The following ABCB11 variants were observed in gnomAD, a reference collection of about 807,000 sequenced individuals.
The protein encoded by ABCB11 is bile salt export pump.
ABCB11 carries 95 observed loss-of-function variants against 148.0 expected under a neutral mutation model. The ratio of observed to expected loss-of-function variants is 0.64; its 90% CI spans 0.54 to 0.76. The LOEUF is 0.76. ABCB11 is among the 30% of genes least tolerant of loss of function. The probability of loss-of-function intolerance (pLI) is 0.00; values close to 1 mark genes in which losing one functional copy is unlikely to be tolerated. For missense variants in ABCB11, 1,523 were observed against 1,617.8 expected, an observed-to-expected ratio of 0.94 and a Z score of 1.01; for synonymous variants, 591 against 555.4, an observed-to-expected ratio of 1.06 and a Z score of -0.90.
intron 15 of ABCB11, among the ~76,000 whole-genome samples, 180 bp from the exon 16 acceptor site, chr2:168,969,731 A>G (rs1288828686): frequency 6.6e-6 from 1 of 152,050 alleles, no homozygotes; most frequent in Non-Finnish European, 1.5e-5. Flanking sequence ...ACCCCAACAC[A>G]CACTGGCCCT....
At chr2:168,935,104 A>T (rs1044362756) in intron 23 of ABCB11, 80 bp downstream of exon 23, 1 of 1,564,930 alleles carries the variant, frequency 6.4e-7, no homozygotes, top group Non-Finnish European at 8.7e-7. Context: ...TTTGCTAAGC[A>T]GCAAAAAGCT....
chr2:168,946,983 C>T (rs1036969867), intron 19 of ABCB11, among the ~76,000 whole-genome samples: 15 of 151,808 alleles, frequency 9.9e-5, no homozygotes, highest in East Asian at 7.8e-4. Context: ...TTCTGCTCCA[C>T]GAGTTCTTTG....
chr2:168,937,985 G>GA (rs1317489748), intron 21 of ABCB11, among the ~76,000 whole-genome samples: 3 of 152,194 alleles, frequency 2.0e-5, no homozygotes, highest in Admixed American at 1.3e-4. Flanking sequence ...ATACTTGGGT[G>GA]AGGACAATTA....
At chr2:168,948,003 T>C (rs1250336046) in intron 19 of ABCB11, among the ~76,000 whole-genome samples, 1 of 151,578 alleles carries the variant, frequency 6.6e-6, no homozygotes, top group Non-Finnish European at 1.5e-5. Flanking sequence ...TTAGAGATCA[T>C]CTTTTAAATC....
chr2:169,003,137 T>A (rs1227344030), intron 5 of ABCB11, among the ~76,000 whole-genome samples: 2 of 151,920 alleles, frequency 1.3e-5, no homozygotes, highest in Non-Finnish European at 2.9e-5. Context: ...GTCCCCAAAG[T>A]CCAATGTATC....
chr2:168,986,053 G>A, intron 10 of ABCB11, 57 bp downstream of exon 10: 1 of 1,334,892 alleles, frequency 7.5e-7, no homozygotes, highest in South Asian at 2.1e-5. Context: ...CTAATCCATG[G>A]ACTTTTCTGA....
intron 27 of ABCB11, among the ~76,000 whole-genome samples, chr2:168,924,297 C>A (rs538301426): frequency 6.6e-6 from 1 of 152,282 alleles, no homozygotes; most frequent in East Asian, 1.9e-4. Flanking sequence ...TCACCTCTTT[C>A]TTTGTGTTGC....
chr2:168,957,847 G>A, intron 19 of ABCB11, 117 bp downstream of exon 19: 1 of 1,050,768 alleles, frequency 9.5e-7, no homozygotes, highest in Non-Finnish European at 1.3e-6. Flanking sequence ...ATTCTTTAGA[G>A]ATGAGAAAAA....
intron 4 of ABCB11, 139 bp downstream of exon 4, chr2:169,014,164 A>G (rs1695281701): frequency 1.2e-6 from 1 of 803,190 alleles, no homozygotes. Flanking sequence ...ATGTTATCAC[A>G]TAGGCAAAGC....
At chr2:168,924,836 A>T (rs1433512136) in intron 26 of ABCB11, 33 bp from the exon 27 acceptor site, 1 of 1,596,978 alleles carries the variant, frequency 6.3e-7, no homozygotes, top group East Asian at 2.2e-5. Context: ...TGAGAAATAG[A>T]AACAGTTATT....
At chr2:168,926,880 T>C (rs527671528) in intron 26 of ABCB11, among the ~76,000 whole-genome samples, 50 of 152,304 alleles carry the variant, frequency 3.3e-4, no homozygotes, top group African/African-American at 1.2e-3. Context: ...TCTTATCTAC[T>C]TTATACACAT....
At chr2:169,029,089 G>A (rs1257074225) in intron 1 of ABCB11, among the ~76,000 whole-genome samples, 1 of 151,940 alleles carries the variant, frequency 6.6e-6, no homozygotes, top group East Asian at 1.9e-4. Flanking sequence ...ATCACACTGT[G>A]AATATTCTGA....
chr2:168,927,503 A>G, intron 25 of ABCB11, 141 bp from the exon 26 acceptor site: 1 of 694,998 alleles, frequency 1.4e-6, no homozygotes, highest in Non-Finnish European at 2.4e-6. Context: ...TTATGGAATA[A>G]ATTATGTTGC....
At chr2:168,971,755 G>A (rs1028288820) in intron 14 of ABCB11, 92 bp downstream of exon 14, 14 of 1,188,602 alleles carry the variant, frequency 1.2e-5, no homozygotes, top group Non-Finnish European at 1.7e-5. Flanking sequence ...TAATGACTTG[G>A]GAATCATACG....
chr2:168,968,301 G>A, intron 17 of ABCB11, 126 bp downstream of exon 17: 1 of 822,828 alleles, frequency 1.2e-6, no homozygotes, highest in East Asian at 2.7e-5. Context: ...GTTCATATTT[G>A]ACAAGACCTG....
At chr2:168,939,400 G>A (rs1359036648) in intron 21 of ABCB11, among the ~76,000 whole-genome samples, 3 of 151,964 alleles carry the variant, frequency 2.0e-5, no homozygotes, top group African/African-American at 7.2e-5. Flanking sequence ...TTTGTACATT[G>A]TATGAAAGTG....
chr2:169,019,419 T>C (rs1695471890), intron 1 of ABCB11, among the ~76,000 whole-genome samples: 1 of 152,094 alleles, frequency 6.6e-6, no homozygotes, highest in African/African-American at 2.4e-5. Flanking sequence ...TTAGATACAT[T>C]ATATAGAAAT....
Position 168,923,324 on chromosome 2 carries a change from C to A in ABCB11, c.*298G>T. 2.0e-6 allele frequency: 1 copy of A among 491,452 alleles called. No homozygotes were observed. Among genetic ancestry groups the A allele is most frequent in the Non-Finnish European group, 3.7e-6 (1 of 273,018 alleles). 30.4% of individuals were successfully genotyped at this position (491,452 alleles called of 1,614,324 possible). A position where few individuals can be genotyped will look rare whatever the true frequency, so the allele number is the denominator to read the frequency against. On this transcript the variant is annotated 3_prime_UTR_variant, in exon 28 of 28. Coordinates refer to ENST00000650372, the MANE Select transcript of ABCB11 (RefSeq NM_003742.4). ...ATTCCCACATATTAATCAGGACTGG[C>A]TCCTGCACAGAGAAGCACTGAGTGG...
At chr2:168,956,600 G>T (rs187622743) in intron 19 of ABCB11, among the ~76,000 whole-genome samples, 2 of 151,728 alleles carry the variant, frequency 1.3e-5, no homozygotes, top group Admixed American at 1.3e-4. Flanking sequence ...CAGCATGGCA[G>T]GGATCCTCCC....
Sources: allele counts gnomAD v4.1 joint callset (sites outside exome capture counted in the v4.1 genomes callset), GRCh38; gene constraint gnomAD v4.1.1; transcripts MANE v1.5; gene names NCBI Gene and HGNC (gene_info 2026-07-23, HGNC 2026-07-21).